PDZRN3: variants seen among roughly 807,000 people sequenced by gnomAD.
The protein encoded by PDZRN3 is E3 ubiquitin-protein ligase PDZRN3.
Under a neutral mutation model 85.7 loss-of-function variants are expected in PDZRN3, and 38 were observed. That is an observed-to-expected ratio of 0.44 (90% confidence interval 0.34 to 0.58). The LOEUF is 0.58. PDZRN3 is among the 20% of genes least tolerant of loss of function. The pLI is 0.01. For missense variants in PDZRN3, 1,629 were observed against 1,506.4 expected (o/e 1.08, Z -1.35); for synonymous variants, 759 against 638.0 (o/e 1.19, Z -2.86).
Position 73,384,197 on chromosome 3 carries a change from C to T in PDZRN3, c.2369G>A (p.Ser790Asn), listed in dbSNP as rs747943047. 1.2e-5 allele frequency: 20 copies of T among 1,613,860 alleles called. No homozygotes were observed. The Admixed American group carries it at 1.7e-4, about 13-fold the overall frequency. ...RRAAEGISCPSSEGAVGTTEA... is the reference protein window; with the variant it reads ...RRAAEGISCPNSEGAVGTTEA... Reference sequence around the variant, plus strand: ...CGTGGTCCCCACAGCCCCTTCGCTGCTCGGGCAGCTGATGCCCTCCGCCGC... The same window carrying T: ...CGTGGTCCCCACAGCCCCTTCGCTGTTCGGGCAGCTGATGCCCTCCGCCGC... The change falls in exon 10 of 10, where the codon AGC (serine) becomes AAC (asparagine). Residue 790 changes from serine to asparagine, a missense_variant. By Grantham distance (46) the Ser-to-Asn change is conservative. Coordinates refer to ENST00000263666, the MANE Select transcript of PDZRN3 (RefSeq NM_015009.3).
In PDZRN3 at chr3:73,384,242, G is replaced by A. The variant is rs1420305623; in HGVS notation, c.2324C>T (p.Pro775Leu). The A allele has an allele frequency of 1.9e-6, 3 of 1,613,540 alleles. No individual in the cohort carries two copies. The highest frequency in any genetic ancestry group is 2.5e-6 in the Non-Finnish European group (3 of 1,179,962). ...RSTPLTLEISPDNSLRRAAEG... is the reference protein window; with the variant it reads ...RSTPLTLEISLDNSLRRAAEG... ...CGCCGCTCTCCTCAAGGAGTTGTCG[G>A]GGGAGATCTCCAGGGTGAGCGGGGT... is the stretch of plus-strand genomic sequence containing the variant. Residue 775 changes from proline to leucine, a missense_variant, in exon 10 of 10, where the codon CCC becomes CTC. Transcript: ENST00000263666.
intron 1 of PDZRN3, among the ~76,000 whole-genome samples, chr3:73,614,517 A>G (rs1013566305): frequency 1.3e-4 from 20 of 152,194 alleles, no homozygotes; most frequent in African/African-American, 4.8e-4. Flanking sequence ...AACTGGCTAG[A>G]CTGGAAAGCT....
chr3:73,587,874 A>G (rs927820606), intron 3 of PDZRN3, among the ~76,000 whole-genome samples: 1 of 152,192 alleles, frequency 6.6e-6, no homozygotes, highest in East Asian at 1.9e-4. Context: ...TCCATTGTCA[A>G]TCTCTAACCC....
intron 3 of PDZRN3, among the ~76,000 whole-genome samples, chr3:73,493,977 C>T (rs946479796): frequency 5.9e-5 from 9 of 152,216 alleles, no homozygotes; most frequent in Non-Finnish European, 1.3e-4. Flanking sequence ...TGAAAGAGAC[C>T]AATCAACGTT....
chr3:73,410,184 T>TA (rs1350269514), intron 3 of PDZRN3, among the ~76,000 whole-genome samples: 4 of 152,150 alleles, frequency 2.6e-5, no homozygotes, highest in East Asian at 3.9e-4. Flanking sequence ...TTAGGTTGGA[T>TA]AAAAAAAAGT....
At chr3:73,488,274 T>C (rs779864698) in intron 3 of PDZRN3, among the ~76,000 whole-genome samples, 5 of 152,206 alleles carry the variant, frequency 3.3e-5, no homozygotes, top group Admixed American at 2.0e-4. Flanking sequence ...CAGCTACCAC[T>C]TGGGGAAATT....
chr3:73,445,993 A>G (rs1163540263), intron 3 of PDZRN3, among the ~76,000 whole-genome samples: 3 of 152,242 alleles, frequency 2.0e-5, no homozygotes, highest in African/African-American at 7.2e-5. Flanking sequence ...ATGTGCGTCC[A>G]AATGTTTTGA....
chr3:73,549,342 A>G (rs939459472), intron 3 of PDZRN3, among the ~76,000 whole-genome samples: 23 of 152,294 alleles, frequency 1.5e-4, no homozygotes, highest in African/African-American at 4.8e-4. Flanking sequence ...ACCAGCTAGC[A>G]AAGGGCACTG....
rs1559682575 is a variant in PDZRN3, at chr3:73,443,486, T to TTC, written c.919-39092_919-39091insGA. Among the ~76,000 whole-genome samples, 225 of 29,138 alleles carry TTC rather than the reference T, an allele frequency of 7.7e-3. 2 individuals are homozygous for TTC. The highest frequency in any genetic ancestry group is 0.025 in the Admixed American group (50 of 1,968). The allele number at this position is 29,138 out of a possible 152,430, so 19.1% of individuals were successfully genotyped here. ...TGATTTATTTTCCTTTTTCTTTTTT[T>TTC]TTTTTTTTTTTTGGGGGGGGGACAG... On this transcript the variant is annotated intron_variant, in intron 3 of 9. Transcript: ENST00000263666.
chr3:73,569,094 T>C, intron 3 of PDZRN3: 1 of 1,119,756 alleles, frequency 8.9e-7, no homozygotes, highest in South Asian at 1.3e-5. Flanking sequence ...GCAGCTGAAC[T>C]TTGAACCCAG....
chr3:73,432,575 G>A (rs1439125509), intron 3 of PDZRN3, among the ~76,000 whole-genome samples: 1 of 152,068 alleles, frequency 6.6e-6, no homozygotes, highest in Non-Finnish European at 1.5e-5. Context: ...GTCCAGAGAG[G>A]CAGCCAACCC....
intron 3 of PDZRN3, among the ~76,000 whole-genome samples, chr3:73,588,049 G>C (rs560032268): frequency 1.3e-5 from 2 of 152,086 alleles, no homozygotes; most frequent in African/African-American, 4.8e-5. Flanking sequence ...GGTGGTTTGC[G>C]GCACCTGTTG....
At chr3:73,592,607 G>C (rs1414579535) in intron 3 of PDZRN3, among the ~76,000 whole-genome samples, 1 of 152,104 alleles carries the variant, frequency 6.6e-6, no homozygotes, top group Non-Finnish European at 1.5e-5. Context: ...TTTAAACAGG[G>C]TAAGAGCCAG....
intron 3 of PDZRN3, among the ~76,000 whole-genome samples, chr3:73,462,179 T>C (rs17703683): frequency 0.32 from 48,039 of 152,074 alleles, 9,617 homozygotes; most frequent in East Asian, 0.7. Context: ...TTGGGAAAGT[T>C]TGCAGTTGAA....
chr3:73,451,526 T>C (rs1490170014), intron 3 of PDZRN3, among the ~76,000 whole-genome samples: 1 of 152,180 alleles, frequency 6.6e-6, no homozygotes, highest in Admixed American at 6.5e-5. Flanking sequence ...GACCAAAGTC[T>C]GTCACTTTGG....
intron 3 of PDZRN3, among the ~76,000 whole-genome samples, chr3:73,455,872 C>A (rs1702966323): frequency 6.6e-6 from 1 of 152,304 alleles, no homozygotes. Context: ...GCAGAACATG[C>A]TGATTTGGGT....
At chr3:73,527,703 C>T (rs368055543) in intron 3 of PDZRN3, among the ~76,000 whole-genome samples, 2 of 152,050 alleles carry the variant, frequency 1.3e-5, no homozygotes, top group Non-Finnish European at 2.9e-5. Flanking sequence ...TAACTAATTA[C>T]GAAAAGAATT....
chr3:73,526,993 T>G (rs1704540473), intron 3 of PDZRN3, among the ~76,000 whole-genome samples: 2 of 152,076 alleles, frequency 1.3e-5, no homozygotes, highest in African/African-American at 4.8e-5. Flanking sequence ...GGATTACAGG[T>G]GCTCATCACC....
rs570072642 is a variant in PDZRN3, at chr3:73,424,602, A to G, written c.919-20207T>C. 7.4e-4 allele frequency among the ~76,000 whole-genome samples: 113 copies of G among 151,780 alleles called. 1 individual carries two copies. Among genetic ancestry groups the G allele is most frequent in the Middle Eastern group, 3.4e-3 (1 of 294 alleles). On this transcript the variant is annotated intron_variant, in intron 3 of 9. Coordinates refer to ENST00000263666, the MANE Select transcript of PDZRN3 (RefSeq NM_015009.3). ...ACAGGATACAAACTGGGAAATGTTTACAACACTTACATCAGAGGGGTTGGT... is the reference window on the plus strand; with the variant it reads ...ACAGGATACAAACTGGGAAATGTTTGCAACACTTACATCAGAGGGGTTGGT...
Sources: gnomAD v4.1 joint callset for allele counts (sites outside exome capture counted in the v4.1 genomes callset) on GRCh38, gnomAD v4.1.1 for gene constraint, MANE v1.5 for transcripts, NCBI Gene and HGNC (gene_info 2026-07-23, HGNC 2026-07-21) for gene names.